EDA: variants seen among roughly 807,000 people sequenced by gnomAD.
EDA encodes ectodysplasin-A.
EDA carries 2 observed loss-of-function variants against 23.6 expected under a neutral mutation model. The ratio of observed to expected loss-of-function variants is 0.08; its 90% CI spans 0.03 to 0.27. The LOEUF (loss-of-function observed/expected upper bound fraction) is 0.27, where lower values mean the gene tolerates loss of function less well. Ranked by LOEUF, EDA falls within the 10% of genes least tolerant of loss-of-function variation. EDA has a pLI of 1.00. For synonymous variants in EDA, 131 were observed against 132.0 expected (o/e 0.99, Z 0.05); for missense variants, 229 against 324.2 (o/e 0.71, Z 2.26).
chrX:69,906,157 A>G, intron 1 of EDA, among the ~76,000 whole-genome samples: 1 of 112,404 alleles, frequency 8.9e-6, no homozygotes, highest in Non-Finnish European at 1.9e-5. Context: ...CTCTTCTCAC[A>G]CCAGATTTCT....
At chrX:69,747,658 A>T (rs2013665327) in intron 1 of EDA, among the ~76,000 whole-genome samples, 1 of 112,162 alleles carries the variant, frequency 8.9e-6, no homozygotes, top group Non-Finnish European at 1.9e-5. Flanking sequence ...GATTAGAATG[A>T]TAACAATGAA....
At chrX:69,639,904 T>C (rs2147229436) in intron 1 of EDA, among the ~76,000 whole-genome samples, 1 of 111,954 alleles carries the variant, frequency 8.9e-6, no homozygotes, top group South Asian at 3.7e-4. Context: ...TGTTTAGGCC[T>C]TTGAACCATT....
intron 1 of EDA, among the ~76,000 whole-genome samples, chrX:69,871,390 G>A: frequency 9.0e-6 from 1 of 111,546 alleles, no homozygotes; most frequent in South Asian, 3.8e-4. Flanking sequence ...TCCCACAATA[G>A]GCTGTCTGCA....
rs779178647 is a variant in EDA, at chrX:69,856,253, T to A, written c.397-100774T>A. Among the ~76,000 whole-genome samples, 18 of 58,700 alleles carry A rather than the reference T, an allele frequency of 3.1e-4. No homozygotes were observed. The South Asian group carries it at 0.026, about 84-fold the overall frequency. The allele number at this position is 58,700 out of a possible 115,157, so 51.0% of individuals were successfully genotyped here. ...CTTTTTATGGCTGAGTAGTATTCCA[T>A]GGTGTGTGTGTGTGTGTGTGTGTGT... On this transcript the variant is annotated intron_variant, in intron 1 of 7. Coordinates refer to ENST00000374552, the MANE Select transcript of EDA (RefSeq NM_001399.5).
intron 2 of EDA, among the ~76,000 whole-genome samples, chrX:69,989,486 T>A (rs745926994): frequency 2.7e-5 from 3 of 111,271 alleles, no homozygotes; most frequent in African/African-American, 9.8e-5. Context: ...AATTTCAAGA[T>A]TAAAGTTGAA....
intron 1 of EDA, among the ~76,000 whole-genome samples, chrX:69,852,709 C>T (rs1379252942): frequency 9.0e-6 from 1 of 111,033 alleles, no homozygotes; most frequent in Non-Finnish European, 1.9e-5. Flanking sequence ...GAAAAGAAAT[C>T]CTTGCAGATG....
intron 2 of EDA, among the ~76,000 whole-genome samples, chrX:70,021,804 G>C (rs780816923): frequency 8.9e-6 from 1 of 112,040 alleles, no homozygotes; most frequent in South Asian, 3.7e-4. Flanking sequence ...CACAGACATT[G>C]GTTTTTCAAG....
intron 1 of EDA, among the ~76,000 whole-genome samples, chrX:69,945,429 G>A (rs1602554811): frequency 8.9e-6 from 1 of 111,769 alleles, no homozygotes; most frequent in African/African-American, 3.3e-5. Flanking sequence ...GTAATTAGGA[G>A]CAATTAGCTA....
chrX:70,006,708 C>G (rs2019806346), intron 2 of EDA, among the ~76,000 whole-genome samples: 1 of 111,698 alleles, frequency 9.0e-6, no homozygotes, highest in Non-Finnish European at 1.9e-5. Context: ...AATATTTTCT[C>G]CCAGTCTGTG....
intron 1 of EDA, among the ~76,000 whole-genome samples, chrX:69,849,137 ATAT>A (rs2147573894): frequency 9.6e-6 from 1 of 104,008 alleles, no homozygotes; most frequent in African/African-American, 3.5e-5. Flanking sequence ...ACACACATAC[ATAT>A]TATTTCCATC....
intron 1 of EDA, among the ~76,000 whole-genome samples, chrX:69,843,215 T>C (rs1485953829): frequency 8.9e-6 from 1 of 112,464 alleles, no homozygotes; most frequent in East Asian, 2.8e-4. Context: ...GTCTTTTTTA[T>C]TTTGTTTTTA....
At chrX:69,739,581 T>C (rs1490521107) in intron 1 of EDA, among the ~76,000 whole-genome samples, 2 of 111,382 alleles carry the variant, frequency 1.8e-5, no homozygotes, top group Admixed American at 1.9e-4. Context: ...TGCTTTCTTT[T>C]GAATTAAATG....
intron 1 of EDA, among the ~76,000 whole-genome samples, chrX:69,887,300 C>A (rs770760503): frequency 8.1e-5 from 9 of 110,442 alleles, no homozygotes; most frequent in South Asian, 7.8e-4. Flanking sequence ...GAGTGAGACT[C>A]CATCTCAAAA....
Position 69,861,063 on chromosome X carries a change from A to G in EDA, c.397-95964A>G, listed in dbSNP as rs1368130804. On this transcript the variant is annotated intron_variant, in intron 1 of 7. Transcript: ENST00000374552. ...GAAATAAAGATGTGTTTAGGCAAAG[A>G]ACTGAGTTTATGACTTATAGATCCT... The G allele has an allele frequency of 2.0e-5, 9 of 461,370 alleles. No homozygotes were observed. The East Asian group carries it at 3.5e-4, about 18-fold the overall frequency. 38.0% of individuals were successfully genotyped at this position (461,370 alleles called of 1,213,427 possible).
chrX:69,953,144 A>G (rs2018952409), intron 1 of EDA, among the ~76,000 whole-genome samples: 1 of 111,732 alleles, frequency 8.9e-6, no homozygotes, highest in African/African-American at 3.3e-5. Context: ...AACCACACTC[A>G]TTGCCTGTTT....
At chrX:69,873,795 T>C (rs1251355278) in intron 1 of EDA, among the ~76,000 whole-genome samples, 9 of 111,745 alleles carry the variant, frequency 8.1e-5, no homozygotes, top group Non-Finnish European at 1.1e-4. Context: ...TTCCAAAAGA[T>C]AGAGAAAGAG....
chrX:69,820,720 T>TA (rs1441194108), intron 1 of EDA, among the ~76,000 whole-genome samples: 1 of 111,798 alleles, frequency 8.9e-6, no homozygotes, highest in Non-Finnish European at 1.9e-5. Flanking sequence ...TGGCTATTAC[T>TA]AAAAAGTCAG....
chrX:69,875,798 C>A (rs1050000160), intron 1 of EDA, among the ~76,000 whole-genome samples: 1 of 110,355 alleles, frequency 9.1e-6, no homozygotes, highest in African/African-American at 3.3e-5. Context: ...CCCCAAAAAA[C>A]CAAAGAATCC....
intron 1 of EDA, among the ~76,000 whole-genome samples, chrX:69,707,813 C>A (rs1322920402): frequency 1.8e-5 from 2 of 111,655 alleles, no homozygotes; most frequent in Non-Finnish European, 3.8e-5. Context: ...ACCTATTGAA[C>A]CCAGTCCAGT....
Sources: gnomAD v4.1 joint callset for allele counts (sites outside exome capture counted in the v4.1 genomes callset) on GRCh38, gnomAD v4.1.1 for gene constraint, MANE v1.5 for transcripts, NCBI Gene and HGNC (gene_info 2026-07-23, HGNC 2026-07-21) for gene names.